The following KCNIP4 variants were observed in gnomAD, a reference collection of about 807,000 sequenced individuals.
KCNIP4 encodes the protein Kv channel-interacting protein 4.
In KCNIP4, 12 loss-of-function variants were observed where a neutral mutation model predicts 34.0. The observed-to-expected ratio is 0.35, with a 90% confidence interval of 0.23 to 0.57. The LOEUF is 0.57. Ranked by LOEUF, KCNIP4 falls within the 20% of genes least tolerant of loss-of-function variation. The pLI, the probability that KCNIP4 is intolerant of heterozygous loss-of-function variation, is 0.83. For synonymous variants in KCNIP4, 124 were observed against 102.2 expected, an observed-to-expected ratio of 1.21 and a Z score of -1.29; for missense variants, 238 against 311.7, an observed-to-expected ratio of 0.76 and a Z score of 1.78.
chr4:21,256,436 AG>A (rs1279504794), intron 1 of KCNIP4, among the ~76,000 whole-genome samples: 2 of 148,626 alleles, frequency 1.3e-5, no homozygotes, highest in African/African-American at 4.9e-5. Flanking sequence ...AAAAAAAAAA[AG>A]GACAAAGACA....
At chr4:20,739,778 G>T (rs1190989633) in intron 5 of KCNIP4, among the ~76,000 whole-genome samples, 1 of 151,990 alleles carries the variant, frequency 6.6e-6, no homozygotes, top group African/African-American at 2.4e-5. Context: ...CAAAAGATCA[G>T]TAATAACAAA....
intron 1 of KCNIP4, among the ~76,000 whole-genome samples, chr4:20,902,633 C>T (rs1360680721): frequency 6.6e-6 from 1 of 152,118 alleles, no homozygotes; most frequent in Non-Finnish European, 1.5e-5. Context: ...GATTCTCTTG[C>T]CCCAGCCTCC....
intron 1 of KCNIP4, among the ~76,000 whole-genome samples, chr4:21,703,019 G>T (rs1178118251): frequency 6.6e-6 from 1 of 151,180 alleles, no homozygotes; most frequent in Non-Finnish European, 1.5e-5. Context: ...TATATTCACT[G>T]ATGCAAAAAA....
At chr4:20,816,066 T>C (rs569103023) in intron 3 of KCNIP4, among the ~76,000 whole-genome samples, 1 of 152,046 alleles carries the variant, frequency 6.6e-6, no homozygotes, top group Non-Finnish European at 1.5e-5. Context: ...CTGGCCAACA[T>C]GGCGAAACTC....
intron 1 of KCNIP4, among the ~76,000 whole-genome samples, chr4:21,429,603 C>G (rs1301344791): frequency 1.3e-5 from 2 of 152,270 alleles, no homozygotes; most frequent in East Asian, 1.9e-4. Flanking sequence ...TTCCCAACAA[C>G]AGTGAATGAG....
intron 1 of KCNIP4, among the ~76,000 whole-genome samples, chr4:21,168,067 T>G (rs1177165070): frequency 6.6e-6 from 1 of 152,224 alleles, no homozygotes. Context: ...TAGTAAATGA[T>G]TTTTTAAATA....
intron 4 of KCNIP4, among the ~76,000 whole-genome samples, chr4:20,754,232 A>G (rs1180936250): frequency 6.6e-6 from 1 of 152,140 alleles, no homozygotes; most frequent in African/African-American, 2.4e-5. Context: ...AGCTCACCAA[A>G]CAAGTTGGGT....
intron 1 of KCNIP4, among the ~76,000 whole-genome samples, chr4:21,362,977 C>T (rs1018959634): frequency 1.3e-5 from 2 of 152,116 alleles, no homozygotes; most frequent in African/African-American, 2.4e-5. Context: ...TAGTTAATAA[C>T]GATGGTAATC....
intron 1 of KCNIP4, among the ~76,000 whole-genome samples, chr4:21,370,324 T>C (rs2109434579): frequency 6.8e-6 from 1 of 146,888 alleles, no homozygotes; most frequent in East Asian, 2.0e-4. Context: ...CATTCAAAAA[T>C]TGTTTATTGA....
chr4:21,378,682 A>G (rs931845911), intron 1 of KCNIP4, among the ~76,000 whole-genome samples: 2 of 152,180 alleles, frequency 1.3e-5, no homozygotes, highest in Non-Finnish European at 2.9e-5. Flanking sequence ...CAACCTTCAC[A>G]GAATTTTAAA....
intron 1 of KCNIP4, among the ~76,000 whole-genome samples, chr4:21,838,734 G>A (rs922968765): frequency 9.2e-5 from 14 of 152,040 alleles, no homozygotes; most frequent in African/African-American, 3.1e-4. Flanking sequence ...TATCTATAGG[G>A]AGGTACAAAC....
At chr4:21,788,465 A>AC (rs1255650295) in intron 1 of KCNIP4, among the ~76,000 whole-genome samples, 1 of 152,012 alleles carries the variant, frequency 6.6e-6, no homozygotes, top group African/African-American at 2.4e-5. Context: ...AAGAAATCTC[A>AC]CCCCCAGCCT....
At chr4:21,467,563 G>A (rs1730097068) in intron 1 of KCNIP4, among the ~76,000 whole-genome samples, 1 of 152,086 alleles carries the variant, frequency 6.6e-6, no homozygotes, top group Admixed American at 6.6e-5. Flanking sequence ...TAAAAGGAAG[G>A]AAGCAACAAA....
At chr4:21,725,223 T>C (rs1715104020) in intron 1 of KCNIP4, among the ~76,000 whole-genome samples, 2 of 152,150 alleles carry the variant, frequency 1.3e-5, no homozygotes, top group African/African-American at 4.8e-5. Flanking sequence ...TTAGTAAATA[T>C]TTCAAAACTT....
chr4:20,758,773 A>G (rs1342600578), intron 4 of KCNIP4, 48 bp downstream of exon 4: 3 of 1,433,440 alleles, frequency 2.1e-6, no homozygotes, highest in Non-Finnish European at 2.9e-6. Context: ...CACTGCAAGC[A>G]TAATTGTAAC....
chr4:21,068,782 C>G (rs1744640362), intron 1 of KCNIP4, among the ~76,000 whole-genome samples: 1 of 152,088 alleles, frequency 6.6e-6, no homozygotes, highest in East Asian at 1.9e-4. Context: ...TGTTTATTGT[C>G]TAGCTGTCTA....
At chr4:21,578,332 C>CAAAAAAAAAAA (rs71191522) in intron 1 of KCNIP4, among the ~76,000 whole-genome samples, 15 of 75,124 alleles carry the variant, frequency 2.0e-4, no homozygotes, top group African/African-American at 7.4e-4. Flanking sequence ...GACTCCGTCT[C>CAAAAAAAAAAA]AAAAAAAAAA....
At chr4:21,841,276 A>T (rs1032383509) in intron 1 of KCNIP4, among the ~76,000 whole-genome samples, 1 of 152,136 alleles carries the variant, frequency 6.6e-6, no homozygotes, top group Non-Finnish European at 1.5e-5. Context: ...GAAAAGGTCC[A>T]TACAGATCAT....
At chr4:20,963,658 A>G (rs1263605867) in intron 1 of KCNIP4, among the ~76,000 whole-genome samples, 2 of 152,186 alleles carry the variant, frequency 1.3e-5, no homozygotes, top group Admixed American at 1.3e-4. Context: ...AGAAATTAGG[A>G]GAGTGGATTT....
Sources: gnomAD v4.1 joint callset for allele counts (sites outside exome capture counted in the v4.1 genomes callset) on GRCh38, gnomAD v4.1.1 for gene constraint, MANE v1.5 for transcripts, NCBI Gene and HGNC (gene_info 2026-07-23, HGNC 2026-07-21) for gene names.